Variants in USP45 observed in about 807,000 individuals in gnomAD.
USP45 encodes ubiquitin specific peptidase 45, also known as ubiquitin carboxyl-terminal hydrolase 45.
USP45 carries 89 observed loss-of-function variants against 95.8 expected under a neutral mutation model. The ratio of observed to expected loss-of-function variants is 0.93; its 90% CI spans 0.78 to 1.11. USP45 has a LOEUF of 1.11. Among genes scored for constraint, USP45 ranks in the 50% least tolerant of loss-of-function variants. USP45 has a pLI of 0.00. For synonymous variants in USP45, 281 were observed against 316.2 expected (o/e 0.89, Z 1.18); for missense variants, 898 against 942.5 (o/e 0.95, Z 0.62).
intron 8 of USP45, among the ~76,000 whole-genome samples, chr6:99,477,910 C>T (rs997672548): frequency 2.0e-5 from 3 of 152,188 alleles, no homozygotes; most frequent in African/African-American, 7.2e-5. Flanking sequence ...TGGACCTCCA[C>T]AGCTGGCATC....
intron 13 of USP45, among the ~76,000 whole-genome samples, chr6:99,457,329 T>C (rs1785323210): frequency 6.6e-6 from 1 of 152,204 alleles, no homozygotes; most frequent in South Asian, 2.1e-4. Context: ...TGCTGGTTTT[T>C]GCGGCTTGTG....
intron 5 of USP45, among the ~76,000 whole-genome samples, chr6:99,503,031 A>G (rs1583435466): frequency 2.0e-5 from 3 of 152,346 alleles, no homozygotes; most frequent in Admixed American, 2.0e-4. Context: ...GAAATACAAG[A>G]AAAGACTAAT....
At position 99,455,025 on chromosome 6, in the gene USP45, G is replaced by T. The variant is rs1784705854; in HGVS notation, c.1309-8562C>A. ...GAATCACTTGAACCTGGGAGGTGGA[G>T]GTTGCAGTGAGCCAAGATCACACCA... is the stretch of plus-strand genomic sequence containing the variant. On this transcript the variant is annotated intron_variant, in intron 13 of 17. Coordinates refer to ENST00000500704, the MANE Select transcript of USP45 (RefSeq NM_001346022.3). 4.1e-5 allele frequency among the ~76,000 whole-genome samples: 6 copies of T among 147,498 alleles called. 1 individual carries two copies. In the Admixed American group the frequency reaches 4.3e-4, roughly 11 times the overall value.
At chr6:99,481,552 G>A (rs1583274579) in intron 8 of USP45, among the ~76,000 whole-genome samples, 1 of 152,140 alleles carries the variant, frequency 6.6e-6, no homozygotes, top group Non-Finnish European at 1.5e-5. Context: ...GGGTACATGT[G>A]CAGGTTTGTT....
At chr6:99,469,111 A>T (rs1788673100) in intron 9 of USP45, among the ~76,000 whole-genome samples, 1 of 152,184 alleles carries the variant, frequency 6.6e-6, no homozygotes, top group Non-Finnish European at 1.5e-5. Context: ...ATATAACTAA[A>T]GTCCAAATTT....
chr6:99,451,996 G>C (rs1783967066), intron 13 of USP45, among the ~76,000 whole-genome samples: 2 of 152,296 alleles, frequency 1.3e-5, no homozygotes, highest in South Asian at 4.1e-4. Context: ...GCTGAAAATG[G>C]ATCCCTTCCT....
rs1198595743 is a variant in USP45 at position 99,461,033 on chromosome 6, C to A, written c.1308+3571G>T. The A allele has an allele frequency of 5.1e-6, 5 of 985,080 alleles. No individual in the cohort carries two copies. In the African/African-American group the frequency reaches 8.8e-5, roughly 17 times the overall value. The allele number at this position is 985,080 out of a possible 1,614,324, so 61.0% of individuals were successfully genotyped here. On this transcript the variant is annotated intron_variant, in intron 13 of 17. Transcript: ENST00000500704. Reference sequence around the variant, plus strand: ...CTGCGCAGCTAACAGGTGGTGGGAACCAAAGTTCATGTAAATTGTACCAGA... The same window carrying A: ...CTGCGCAGCTAACAGGTGGTGGGAAACAAAGTTCATGTAAATTGTACCAGA...
intron 5 of USP45, among the ~76,000 whole-genome samples, chr6:99,490,529 T>C (rs1291117565): frequency 6.6e-6 from 1 of 151,882 alleles, no homozygotes; most frequent in Non-Finnish European, 1.5e-5. Context: ...TTTCACCTAA[T>C]ACTGACATGC....
In USP45 at chr6:99,433,830, G is replaced by A. The variant is rs888744284; in HGVS notation, c.*1886C>T. 6.6e-6 allele frequency: 1 copy of A among 152,136 alleles called. No individual in the cohort carries two copies. The highest frequency in any genetic ancestry group is 2.4e-5 in the African/African-American group (1 of 41,416). The allele number at this position is 152,136 out of a possible 1,614,324, so 9.4% of individuals were successfully genotyped here. A position where few individuals can be genotyped will look rare whatever the true frequency, so the allele number is the denominator to read the frequency against. On this transcript the variant is annotated 3_prime_UTR_variant, in exon 18 of 18. Transcript: ENST00000500704. ...TGAAACAAGAAACAAGTGACCATCC[G>A]ATGAAAAGTGCATGCCTCTTAACAG...
At chr6:99,501,266 T>C (rs1797296804) in intron 5 of USP45, among the ~76,000 whole-genome samples, 1 of 151,586 alleles carries the variant, frequency 6.6e-6, no homozygotes, top group Non-Finnish European at 1.5e-5. Context: ...GTGTGCCACA[T>C]AGCAATCACT....
At chr6:99,497,807 T>C (rs1432526649) in intron 5 of USP45, among the ~76,000 whole-genome samples, 1 of 152,096 alleles carries the variant, frequency 6.6e-6, no homozygotes, top group East Asian at 1.9e-4. Context: ...TCTCACCATC[T>C]TCTACACCAC....
intron 5 of USP45, among the ~76,000 whole-genome samples, chr6:99,492,231 T>C (rs1046376988): frequency 3.9e-5 from 6 of 152,122 alleles, no homozygotes; most frequent in African/African-American, 1.4e-4. Context: ...GGACGACAAA[T>C]GTCAAACCAA....
chr6:99,444,391 A>G (rs1782092342), intron 14 of USP45, among the ~76,000 whole-genome samples: 1 of 151,882 alleles, frequency 6.6e-6, no homozygotes, highest in South Asian at 2.1e-4. Flanking sequence ...TCCTTCTCCC[A>G]TTTCTTTATT....
At chr6:99,458,617 C>T (rs1255763648) in intron 13 of USP45, among the ~76,000 whole-genome samples, 1 of 152,184 alleles carries the variant, frequency 6.6e-6, no homozygotes, top group Non-Finnish European at 1.5e-5. Context: ...CACCTCTTGG[C>T]TCAATATAAT....
At chr6:99,489,510 T>A (rs1247490193) in intron 5 of USP45, among the ~76,000 whole-genome samples, 2 of 152,176 alleles carry the variant, frequency 1.3e-5, no homozygotes, top group Non-Finnish European at 2.9e-5. Flanking sequence ...TTGCAACATT[T>A]CTGTGAATTT....
intron 17 of USP45, 103 bp downstream of exon 17, chr6:99,437,143 C>T: frequency 8.3e-7 from 1 of 1,201,696 alleles, no homozygotes. Context: ...AGCAAGCAAG[C>T]AAATCCACTA....
intron 5 of USP45, among the ~76,000 whole-genome samples, chr6:99,492,954 T>G (rs1298130900): frequency 6.6e-6 from 1 of 152,234 alleles, no homozygotes; most frequent in African/African-American, 2.4e-5. Flanking sequence ...TGTTTACACC[T>G]AATTTCTTAT....
At chr6:99,509,846 G>A (rs1335593295) in intron 2 of USP45, among the ~76,000 whole-genome samples, 1 of 152,030 alleles carries the variant, frequency 6.6e-6, no homozygotes. Flanking sequence ...CAGGGAGGTG[G>A]GGTGGGGTAG....
chr6:99,501,966 T>C (rs1238813582), intron 5 of USP45: 4 of 1,303,280 alleles, frequency 3.1e-6, no homozygotes, highest in African/African-American at 1.5e-5. Context: ...TGTGGGCCCC[T>C]AGACAGTTTA....
Sources: gnomAD v4.1 joint callset for allele counts (sites outside exome capture counted in the v4.1 genomes callset) on GRCh38, gnomAD v4.1.1 for gene constraint, MANE v1.5 for transcripts, NCBI Gene and HGNC (gene_info 2026-07-23, HGNC 2026-07-21) for gene names.